Variants in MECOM observed in about 807,000 individuals in gnomAD.
The protein encoded by MECOM is MDS1 and EVI1 complex locus.
Under a neutral mutation model 116.3 loss-of-function variants are expected in MECOM, and 13 were observed. The ratio of observed to expected loss-of-function variants is 0.11; its 90% CI spans 0.07 to 0.18. The LOEUF (loss-of-function observed/expected upper bound fraction) is 0.18. Among genes scored for constraint, MECOM ranks in the 10% least tolerant of loss-of-function variants. The pLI is 1.00. For synonymous variants in MECOM, 528 were observed against 535.2 expected (o/e 0.99, Z 0.19); for missense variants, 1,299 against 1,509.0 (o/e 0.86, Z 2.31).
chr3:169,520,102 A>G (rs1757173975), intron 1 of MECOM, among the ~76,000 whole-genome samples: 1 of 152,260 alleles, frequency 6.6e-6, no homozygotes, highest in Non-Finnish European at 1.5e-5. Flanking sequence ...CAGTAAGAAG[A>G]GAGATGATCT....
chr3:169,115,600 G>A lies in MECOM; in HGVS notation c.2272C>T (p.Pro758Ser), dbSNP rs1278472523. 8 of 1,613,972 alleles carry A rather than the reference G, an allele frequency of 5.0e-6. No homozygotes were observed. In the African/African-American group the frequency reaches 9.3e-5, roughly 19 times the overall value. The change falls in exon 8 of 17, where the codon CCC becomes TCC. Residue 758 changes from proline to serine, a missense_variant. Physicochemically the swap from Pro to Ser is moderately conservative, Grantham distance 74. This residue lies in a region of MECOM where 340 missense variants were observed against 312.6 expected (regional missense o/e 1.09). Transcript: ENST00000651503. ...GCAGGTGTCACTGGAGGCTTGGAGG[G>A]GACTGGAGTCAAGGGCTTCTCATCC... is the stretch of plus-strand genomic sequence containing the variant. ...RKDEKPLTPV[P>S]SKPPVTPATS...
chr3:169,221,365 C>T (rs1752112286), intron 2 of MECOM, among the ~76,000 whole-genome samples: 6 of 152,110 alleles, frequency 3.9e-5, no homozygotes, highest in Admixed American at 3.9e-4. Context: ...TTGGAGTAAA[C>T]TCAGAAATTA....
At chr3:169,243,436 A>G (rs899954676) in intron 2 of MECOM, among the ~76,000 whole-genome samples, 1 of 152,146 alleles carries the variant, frequency 6.6e-6, no homozygotes, top group Non-Finnish European at 1.5e-5. Context: ...AATTATGTAC[A>G]TAGACAACCC....
At chr3:169,656,405 T>C (rs1391632393) in intron 1 of MECOM, among the ~76,000 whole-genome samples, 1 of 152,070 alleles carries the variant, frequency 6.6e-6, no homozygotes, top group Non-Finnish European at 1.5e-5. Flanking sequence ...CGTTTGCTAA[T>C]GAATAAGAAT....
chr3:169,222,123 A>G (rs1752210615), intron 2 of MECOM, among the ~76,000 whole-genome samples: 1 of 152,200 alleles, frequency 6.6e-6, no homozygotes, highest in Admixed American at 6.5e-5. Flanking sequence ...GACAGAGAAC[A>G]TTCCCATCGT....
intron 2 of MECOM, among the ~76,000 whole-genome samples, chr3:169,195,715 C>T (rs997538532): frequency 1.3e-5 from 2 of 151,954 alleles, no homozygotes; most frequent in African/African-American, 2.4e-5. Flanking sequence ...GCTAAAGATG[C>T]ATTGTAGCCT....
At chr3:169,634,241 A>AAC (rs59934753) in intron 1 of MECOM, among the ~76,000 whole-genome samples, 4,921 of 149,126 alleles carry the variant, frequency 0.033, 113 homozygotes, top group Middle Eastern at 0.087. Flanking sequence ...TGTGTGCACA[A>AAC]ACACACACAC....
At chr3:169,538,697 T>C (rs1167358240) in intron 1 of MECOM, among the ~76,000 whole-genome samples, 1 of 152,048 alleles carries the variant, frequency 6.6e-6, no homozygotes, top group Non-Finnish European at 1.5e-5. Flanking sequence ...CCTCCCAGAG[T>C]AGATGTTGAG....
At chr3:169,329,583 C>T (rs886935346) in intron 2 of MECOM, among the ~76,000 whole-genome samples, 3 of 152,178 alleles carry the variant, frequency 2.0e-5, no homozygotes, top group Non-Finnish European at 2.9e-5. Context: ...CCATCTAACT[C>T]GCTCTGTCCA....
intron 1 of MECOM, among the ~76,000 whole-genome samples, chr3:169,576,466 G>A (rs954374937): frequency 6.6e-6 from 1 of 152,096 alleles, no homozygotes; most frequent in African/African-American, 2.4e-5. Flanking sequence ...ATCAAAAAAG[G>A]TATTGGAATT....
chr3:169,435,602 G>T (rs1742494199), intron 1 of MECOM, among the ~76,000 whole-genome samples: 1 of 152,052 alleles, frequency 6.6e-6, no homozygotes, highest in African/African-American at 2.4e-5. Flanking sequence ...GCCAGCAACT[G>T]GCCTCTGGAT....
At chr3:169,407,361 A>G (rs1397984835) in intron 1 of MECOM, among the ~76,000 whole-genome samples, 1 of 152,214 alleles carries the variant, frequency 6.6e-6, no homozygotes. Context: ...TTACACACAT[A>G]TTATATCAAC....
intron 10 of MECOM, 76 bp from the exon 11 acceptor site, chr3:169,102,302 A>C: frequency 5.0e-6 from 7 of 1,400,648 alleles, no homozygotes; most frequent in Non-Finnish European, 6.7e-6. Flanking sequence ...AACCAAGGAC[A>C]TCATTAAAAG....
At chr3:169,250,661 C>T (rs1480839288) in intron 2 of MECOM, among the ~76,000 whole-genome samples, 2 of 152,012 alleles carry the variant, frequency 1.3e-5, no homozygotes, top group Non-Finnish European at 2.9e-5. Flanking sequence ...TAATTATTTC[C>T]TAATTATTCC....
At chr3:169,255,333 T>G (rs1019450689) in intron 2 of MECOM, among the ~76,000 whole-genome samples, 7 of 152,148 alleles carry the variant, frequency 4.6e-5, no homozygotes, top group Admixed American at 4.6e-4. Flanking sequence ...ATCTCTAAAC[T>G]GGTTAAAAAA....
intron 2 of MECOM, among the ~76,000 whole-genome samples, chr3:169,212,028 T>C (rs1403933818): frequency 6.6e-6 from 1 of 152,156 alleles, no homozygotes; most frequent in African/African-American, 2.4e-5. Context: ...TTTTTTCATT[T>C]TCTCTATCTG....
At chr3:169,323,228 G>A (rs1021688336) in intron 2 of MECOM, among the ~76,000 whole-genome samples, 12 of 152,090 alleles carry the variant, frequency 7.9e-5, no homozygotes, top group Non-Finnish European at 1.5e-5. Context: ...GACCCAGAAG[G>A]AACCAGCTTG....
chr3:169,501,320 CCTAGAG>C (rs1754496642), intron 1 of MECOM, among the ~76,000 whole-genome samples: 1 of 151,736 alleles, frequency 6.6e-6, no homozygotes, highest in Admixed American at 6.6e-5. Flanking sequence ...AAATTACATC[CCTAGAG>C]CTAAAGACTA....
intron 2 of MECOM, among the ~76,000 whole-genome samples, chr3:169,370,422 A>T (rs1729895838): frequency 6.6e-6 from 1 of 152,138 alleles, no homozygotes; most frequent in African/African-American, 2.4e-5. Context: ...CATAAAACTT[A>T]CAGAGAAAAG....
Sources: allele counts gnomAD v4.1 joint callset (sites outside exome capture counted in the v4.1 genomes callset), GRCh38; gene constraint gnomAD v4.1.1; regional missense constraint gnomAD v4.1.1; transcripts MANE v1.5; gene names NCBI Gene and HGNC (gene_info 2026-07-23, HGNC 2026-07-21).